NAPEPLD: variants seen among roughly 807,000 people sequenced by gnomAD.
NAPEPLD encodes N-acyl-phosphatidylethanolamine-hydrolyzing phospholipase D.
NAPEPLD carries 23 observed loss-of-function variants against 38.1 expected under a neutral mutation model. That is an observed-to-expected ratio of 0.60 (90% confidence interval 0.43 to 0.86). The LOEUF (loss-of-function observed/expected upper bound fraction) is 0.86. Ranked by LOEUF, NAPEPLD falls within the 40% of genes least tolerant of loss-of-function variation. The pLI is 0.00. For missense variants in NAPEPLD, 411 were observed against 476.8 expected, an observed-to-expected ratio of 0.86 and a Z score of 1.28; for synonymous variants, 147 against 162.0, an observed-to-expected ratio of 0.91 and a Z score of 0.71.
At chr7:103,104,892 C>T (rs1216246496) in intron 4 of NAPEPLD, among the ~76,000 whole-genome samples, 1 of 152,130 alleles carries the variant, frequency 6.6e-6, no homozygotes, top group East Asian at 1.9e-4. Flanking sequence ...CTCTTTCTCC[C>T]ATGCTGTACA....
At chr7:103,118,487 G>A (rs970568070) in intron 3 of NAPEPLD, among the ~76,000 whole-genome samples, 10 of 152,184 alleles carry the variant, frequency 6.6e-5, no homozygotes, top group East Asian at 3.9e-4. Flanking sequence ...GGACAAAATC[G>A]TTTTAGTGAA....
chr7:103,121,976 AAGCAAAGGTACAG>A (rs1397931954), intron 2 of NAPEPLD, among the ~76,000 whole-genome samples: 1 of 152,176 alleles, frequency 6.6e-6, no homozygotes, highest in African/African-American at 2.4e-5. Context: ...GAAACCACCC[AAGCAAAGGTACAG>A]AGCCAAACAG....
chr7:103,107,105 C>G (rs1248890265), intron 4 of NAPEPLD, among the ~76,000 whole-genome samples: 1 of 152,176 alleles, frequency 6.6e-6, no homozygotes, highest in Admixed American at 6.5e-5. Context: ...GATACCCAGG[C>G]AAACAGGGTC....
chr7:103,138,080 C>T (rs1404192194), intron 1 of NAPEPLD, among the ~76,000 whole-genome samples: 11 of 151,696 alleles, frequency 7.3e-5, no homozygotes, highest in Admixed American at 3.9e-4. Context: ...CAGGTTCAAC[C>T]GATTCTCGTG....
intron 1 of NAPEPLD, among the ~76,000 whole-genome samples, chr7:103,144,460 C>T (rs1398628017): frequency 1.3e-5 from 2 of 152,154 alleles, no homozygotes; most frequent in Non-Finnish European, 2.9e-5. Flanking sequence ...TTCTAATTTA[C>T]AGTTACATTG....
intron 2 of NAPEPLD, among the ~76,000 whole-genome samples, chr7:103,126,427 G>A (rs755042308): frequency 2.4e-4 from 37 of 152,056 alleles, no homozygotes; most frequent in Non-Finnish European, 4.4e-4. Flanking sequence ...CAACTTCCAG[G>A]CTTCTGTTTA....
At chr7:103,112,831 T>C (rs1000147546) in intron 4 of NAPEPLD, among the ~76,000 whole-genome samples, 6 of 152,182 alleles carry the variant, frequency 3.9e-5, no homozygotes, top group Non-Finnish European at 7.4e-5. Context: ...CTCATAGTTA[T>C]GAGGTTTATT....
intron 1 of NAPEPLD, among the ~76,000 whole-genome samples, chr7:103,137,980 T>C (rs1369021499): frequency 4.1e-5 from 1 of 24,578 alleles, no homozygotes; most frequent in Admixed American, 7.8e-4. Context: ...TTTTTGCTTT[T>C]TTTCTTTTTT....
At chr7:103,149,578 CT>C, upstream of NAPEPLD, 1 of 1,026,952 alleles carries the variant, frequency 9.7e-7, no homozygotes, top group Non-Finnish European at 1.3e-6. Flanking sequence ...CTCTCCAGCC[CT>C]TACCAAGATG....
chr7:103,120,701 C>CTTTTTTTTTTTTTT lies in NAPEPLD; in HGVS notation c.295-492_295-479dup, dbSNP rs869141133. 2.7e-3 allele frequency among the ~76,000 whole-genome samples: 221 copies of CTTTTTTTTTTTTTT among 82,532 alleles called. 21 individuals are homozygous for CTTTTTTTTTTTTTT. Among genetic ancestry groups the CTTTTTTTTTTTTTT allele is most frequent in the South Asian group, 5.1e-3 (9 of 1,782 alleles). 54.1% of individuals were successfully genotyped at this position (82,532 alleles called of 152,430 possible). ...CATGAATCATGAATCTGATATTTTT[C>CTTTTTTTTTTTTTT]TTTTTTTTTTTTTTTTTTTTTTTTT... On this transcript the variant is annotated intron_variant, in intron 2 of 4. Transcript: ENST00000465647.
At chr7:103,131,396 C>T (rs76989168) in intron 1 of NAPEPLD, among the ~76,000 whole-genome samples, 16,710 of 151,922 alleles carry the variant, frequency 0.11, 1,092 homozygotes, top group East Asian at 0.3. Context: ...AGTGGCTCAA[C>T]GCCTATAATT....
At chr7:103,132,078 T>A (rs1394168392) in intron 1 of NAPEPLD, among the ~76,000 whole-genome samples, 3 of 151,948 alleles carry the variant, frequency 2.0e-5, no homozygotes, top group Admixed American at 2.0e-4. Flanking sequence ...AAAAAGAAAA[T>A]GATGTACTTA....
At position 103,100,748 on chromosome 7, in the gene NAPEPLD, A is replaced by T. The variant is rs1802281103; in HGVS notation, c.*2681T>A. ...AGAGAATGGATTTGTCTTATTTTTCAAAATTTGTTTTCACTTTGCACATAA... is the reference window on the plus strand; with the variant it reads ...AGAGAATGGATTTGTCTTATTTTTCTAAATTTGTTTTCACTTTGCACATAA... On this transcript the variant is annotated 3_prime_UTR_variant, in exon 5 of 5. Coordinates refer to ENST00000465647, the MANE Select transcript of NAPEPLD (RefSeq NM_001122838.3). 1 of 152,228 alleles carries T rather than the reference A, an allele frequency of 6.6e-6. No individual in the cohort carries two copies. 9.4% of individuals were successfully genotyped at this position (152,228 alleles called of 1,614,324 possible).
At chr7:103,147,859 A>G (rs1812895589) in intron 1 of NAPEPLD, 9 of 545,400 alleles carry the variant, frequency 1.7e-5, no homozygotes, top group Non-Finnish European at 2.1e-5. Context: ...AATGTTAACA[A>G]AACAAAATCT....
At position 103,122,200 on chromosome 7, in the gene NAPEPLD, G is replaced by A. The variant is rs1020406351; in HGVS notation, c.295-1977C>T. ...AAGCGATCTGCTTCCCAAAGTGCTA[G>A]GATTACAGGTGTGAGCCACCACGCC... On this transcript the variant is annotated intron_variant, in intron 2 of 4. Coordinates refer to ENST00000465647, the MANE Select transcript of NAPEPLD (RefSeq NM_001122838.3). Among the ~76,000 whole-genome samples the A allele has an allele frequency of 4.0e-5, 6 of 151,720 alleles. No homozygotes were observed. The East Asian group carries it at 1.2e-3, about 29-fold the overall frequency.
chr7:103,113,434 A>C (rs1046429633), intron 4 of NAPEPLD, among the ~76,000 whole-genome samples: 2 of 152,094 alleles, frequency 1.3e-5, no homozygotes, highest in Non-Finnish European at 2.9e-5. Flanking sequence ...TTTGGAACAC[A>C]CTGCATCTTT....
chr7:103,140,443 A>AGTG (rs1281487671), intron 1 of NAPEPLD, among the ~76,000 whole-genome samples: 1 of 118,212 alleles, frequency 8.5e-6, no homozygotes, highest in African/African-American at 3.3e-5. Context: ...CCCAGGCTGG[A>AGTG]GTGCAGTGGC....
chr7:103,133,185 C>T (rs567872715), intron 1 of NAPEPLD, among the ~76,000 whole-genome samples: 24 of 152,302 alleles, frequency 1.6e-4, no homozygotes, highest in African/African-American at 5.5e-4. Flanking sequence ...TCCATAAACA[C>T]GGCCTGAAAC....
intron 1 of NAPEPLD, among the ~76,000 whole-genome samples, chr7:103,139,411 G>A (rs1285264150): frequency 6.6e-6 from 1 of 152,134 alleles, no homozygotes; most frequent in Admixed American, 6.5e-5. Context: ...TAATGAAAAT[G>A]GTATAGACTT....
Sources: gnomAD v4.1 joint callset for allele counts (sites outside exome capture counted in the v4.1 genomes callset) on GRCh38, gnomAD v4.1.1 for gene constraint, MANE v1.5 for transcripts, NCBI Gene and HGNC (gene_info 2026-07-23, HGNC 2026-07-21) for gene names.